The following ACTR1B variants were observed in gnomAD, a reference collection of about 807,000 sequenced individuals.
ACTR1B encodes the protein actin related protein 1B.
In ACTR1B, 34 loss-of-function variants were observed where a neutral mutation model predicts 49.4. The ratio of observed to expected loss-of-function variants is 0.69; its 90% CI spans 0.52 to 0.92. ACTR1B has a LOEUF of 0.92. Among genes scored for constraint, ACTR1B ranks in the 40% least tolerant of loss-of-function variants. The probability of loss-of-function intolerance (pLI) is 0.00; values close to 1 mark genes in which losing one functional copy is unlikely to be tolerated. For missense variants in ACTR1B, 471 were observed against 522.4 expected, an observed-to-expected ratio of 0.90 and a Z score of 0.96; for synonymous variants, 207 against 207.8, an observed-to-expected ratio of 1.00 and a Z score of 0.03.
chr2:97,658,330 G>A lies in ACTR1B; in HGVS notation c.658-14C>T. Reference sequence around the variant, plus strand: ...GTAGCACGCTCGCTGCGGGGACAGGGACACAGCCCTCAGAAGGCTGCACCT... The same window carrying A: ...GTAGCACGCTCGCTGCGGGGACAGGAACACAGCCCTCAGAAGGCTGCACCT... On this transcript the variant is annotated splice_polypyrimidine_tract_variant and intron_variant, in intron 6 of 10. Transcript: ENST00000289228. The surrounding 1 kb of genome is among the most constrained non-coding windows in gnomAD (Gnocchi z 5.9). The A allele has an allele frequency of 1.2e-6, 2 of 1,614,154 alleles. No individual in the cohort carries two copies. Among genetic ancestry groups the A allele is most frequent in the South Asian group, 1.1e-5 (1 of 91,082 alleles).
Position 97,658,074 on chromosome 2 carries a change from G to T in ACTR1B, c.794C>A (p.Pro265Gln). 6.2e-7 allele frequency: 1 copy of T among 1,614,108 alleles called. No homozygotes were observed. The highest frequency in any genetic ancestry group is 8.5e-7 in the Non-Finnish European group (1 of 1,180,012). The change falls in exon 8 of 11, where the codon CCG becomes CAG. Residue 265 changes from proline to glutamine, a missense_variant. By Grantham distance (76) the Pro-to-Gln change is moderately conservative (BLOSUM62 -1). Transcript: ENST00000289228. The surrounding 1 kb of genome is among the most constrained non-coding windows in gnomAD (Gnocchi z 5.9). ...RFRAPELLFQ[P>Q]DLVGDESEGL... ...CTCACTCTCATCCCCGACAAGGTCC[G>T]GCTGGAACAGCAGCTCGGGGGCCCG... is the stretch of plus-strand genomic sequence containing the variant.
intron 1 of ACTR1B, among the ~76,000 whole-genome samples, chr2:97,663,622 G>A (rs1439085856): frequency 6.6e-6 from 1 of 151,934 alleles, no homozygotes; most frequent in African/African-American, 2.4e-5. Context: ...GGGAGGGGTC[G>A]GGGAAGAGGC....
In ACTR1B at chr2:97,658,555, G is replaced by A. The variant is rs1475673745; in HGVS notation, c.529C>T (p.Pro177Ser). The change falls in exon 6 of 11, where the codon CCT becomes TCT. Residue 177 changes from proline to serine, a missense_variant. Transcript: ENST00000289228. The surrounding 1 kb of genome is among the most constrained non-coding windows in gnomAD (Gnocchi z 5.9). Reference sequence around the variant, plus strand: ...ATGTCCACCCGCATGATGGAGTGAGGCATGGCAAAGCCCTCATAGATGGGC... The same window carrying A: ...ATGTCCACCCGCATGATGGAGTGAGACATGGCAAAGCCCTCATAGATGGGC... Reference protein sequence around the residue: ...AVPIYEGFAMPHSIMRVDIAG... With the variant: ...AVPIYEGFAMSHSIMRVDIAG... 3 of 1,614,090 alleles carry A rather than the reference G, an allele frequency of 1.9e-6. No homozygotes were observed. The highest frequency in any genetic ancestry group is 2.5e-6 in the Non-Finnish European group (3 of 1,180,024).
Position 97,658,648 on chromosome 2 carries a change from C to CA in ACTR1B, c.441-6dup, listed in dbSNP as rs1249295833. On this transcript the variant is annotated splice_region_variant and splice_polypyrimidine_tract_variant and intron_variant, in intron 5 of 10. Transcript: ENST00000289228. The surrounding 1 kb of genome is among the most constrained non-coding windows in gnomAD (Gnocchi z 5.9). ...GTCGTGCGTCCTGTTGCGTACCTGTCACCAGGTCAGCATCCCCTCACCTCA... is the reference window on the plus strand; with the variant it reads ...GTCGTGCGTCCTGTTGCGTACCTGTCAACCAGGTCAGCATCCCCTCACCTCA... 8 of 1,613,402 alleles carry CA rather than the reference C, an allele frequency of 5.0e-6. No homozygotes were observed. The highest frequency in any genetic ancestry group is 6.8e-6 in the Non-Finnish European group (8 of 1,179,952).
Position 97,659,268 on chromosome 2 carries a change from T to TGTGGGAGCCCGGCGAGGAGGGGC in ACTR1B, c.315+83_315+84insGCCCCTCCTCGCCGGGCTCCCAC. On this transcript the variant is annotated intron_variant, in intron 4 of 10. Transcript: ENST00000289228. The surrounding 1 kb of genome is among the most constrained non-coding windows in gnomAD (Gnocchi z 4.0). ...GCCCTCTAGAAATGTAGAAGGGAAA[T>TGTGGGAGCCCGGCGAGGAGGGGC]GTGGGAGCCCGGCGAGGAGGGACGC... is the stretch of plus-strand genomic sequence containing the variant. 1.3e-6 allele frequency: 2 copies of TGTGGGAGCCCGGCGAGGAGGGGC among 1,588,304 alleles called. No individual in the cohort carries two copies. The highest frequency in any genetic ancestry group is 1.7e-6 in the Non-Finnish European group (2 of 1,166,300).
chr2:97,660,723 C>T, intron 2 of ACTR1B, 77 bp from the exon 3 acceptor site: 1 of 1,428,186 alleles, frequency 7.0e-7, no homozygotes, highest in Non-Finnish European at 9.9e-7. Flanking sequence ...GAAATCCAAC[C>T]ATAGTCGCCC....
rs1225480607 is a variant in ACTR1B at position 97,658,075 on chromosome 2, G to A, written c.793C>T (p.Pro265Ser). The change falls in exon 8 of 11, where the codon CCG (proline) becomes TCG (serine). Residue 265 changes from proline (P) to serine (S), a missense_variant. Transcript: ENST00000289228. This position sits in a 1 kb window ranked among gnomAD's most constrained non-coding sequence, Gnocchi z 5.9. ...RFRAPELLFQ[P>S]DLVGDESEGL... ...TCACTCTCATCCCCGACAAGGTCCG[G>A]CTGGAACAGCAGCTCGGGGGCCCGG... 6.2e-7 allele frequency: 1 copy of A among 1,614,016 alleles called. No individual in the cohort carries two copies. Among genetic ancestry groups the A allele is most frequent in the Non-Finnish European group, 8.5e-7 (1 of 1,180,036 alleles).
rs558211836 is a variant in ACTR1B, at chr2:97,656,660, A to G, written c.*198T>C. The G allele has an allele frequency of 6.9e-6, 4 of 581,420 alleles. No individual in the cohort carries two copies. Among genetic ancestry groups the G allele is most frequent in the Middle Eastern group, 9.2e-4 (2 of 2,182 alleles). 36.0% of individuals were successfully genotyped at this position (581,420 alleles called of 1,614,324 possible). A position where few individuals can be genotyped will look rare whatever the true frequency, so the allele number is the denominator to read the frequency against. Reference sequence around the variant, plus strand: ...ACACGCCAGCTCAAGGCTCCTGTCCATGCAGCTCAATGTTACTTGTGTGTG... The same window carrying G: ...ACACGCCAGCTCAAGGCTCCTGTCCGTGCAGCTCAATGTTACTTGTGTGTG... On this transcript the variant is annotated 3_prime_UTR_variant, in exon 11 of 11. Transcript: ENST00000289228.
Position 97,659,435 on chromosome 2 carries a change from C to A in ACTR1B, c.232G>T (p.Gly78Cys). 1 of 1,614,026 alleles carries A rather than the reference C, an allele frequency of 6.2e-7. No individual in the cohort carries two copies. The highest frequency in any genetic ancestry group is 8.5e-7 in the Non-Finnish European group (1 of 1,179,994). Residue 78 changes from glycine to cysteine, a missense_variant, in exon 4 of 11, where the codon GGC (glycine) becomes TGC (cysteine). Physicochemically the swap from Gly to Cys is radical, Grantham distance 159. Transcript: ENST00000289228. This position sits in a 1 kb window ranked among gnomAD's most constrained non-coding sequence, Gnocchi z 4.0. ...LLTIRYPMEH[G>C]VVRDWNDMER... ...ATGTCGTTCCAGTCTCGCACCACGC[C>A]GTGCTCCATGGGGTAGCGGATGGTC...
chr2:97,663,204 G>A (rs1675071736), intron 1 of ACTR1B, among the ~76,000 whole-genome samples: 1 of 152,220 alleles, frequency 6.6e-6, no homozygotes, highest in African/African-American at 2.4e-5. Flanking sequence ...TCTTTCCTCT[G>A]AGGCTTCCAA....
Position 97,657,528 on chromosome 2 carries a change from C to A in ACTR1B, c.926-19G>T. 6.2e-7 allele frequency: 1 copy of A among 1,614,126 alleles called. No homozygotes were observed. The highest frequency in any genetic ancestry group is 8.5e-7 in the Non-Finnish European group (1 of 1,179,982). On this transcript the variant is annotated intron_variant, in intron 8 of 10. Coordinates refer to ENST00000289228, the MANE Select transcript of ACTR1B (RefSeq NM_005735.4). ...CCGAAGCCTGTGAACACAAAGCTGG[C>A]TGAGCCTGGGGTCTGCACCCGGCCT...
intron 8 of ACTR1B, 112 bp downstream of exon 8, chr2:97,657,831 T>G (rs900481511): frequency 7.5e-7 from 1 of 1,332,758 alleles, no homozygotes; most frequent in Non-Finnish European, 1.0e-6. Context: ...AAAATGTTCA[T>G]TGAGCACCAC....
At position 97,659,466 on chromosome 2, in the gene ACTR1B, C is replaced by T. The variant is rs1457092897; in HGVS notation, c.201G>A (p.Gly67=). The T allele has an allele frequency of 3.1e-6, 5 of 1,613,336 alleles. No individual in the cohort carries two copies. Among genetic ancestry groups the T allele is most frequent in the South Asian group, 1.1e-5 (1 of 91,086 alleles). The change falls in exon 4 of 11, where the codon GGG becomes GGA. Residue 67 remains glycine (G), a synonymous_variant. Coordinates refer to ENST00000289228, the MANE Select transcript of ACTR1B (RefSeq NM_005735.4). The surrounding 1 kb of genome is among the most constrained non-coding windows in gnomAD (Gnocchi z 4.0). ...CCATGGGGTAGCGGATGGTCAGCAGCCCCCGGTGCTCCTGGTGGGGTGGGA... is the reference window on the plus strand; with the variant it reads ...CCATGGGGTAGCGGATGGTCAGCAGTCCCCGGTGCTCCTGGTGGGGTGGGA... ...FIGPKAEEHR[G]LLTIRYPMEH... is the part of the protein sequence containing the mutation.
In ACTR1B at chr2:97,659,048, C is replaced by A; in HGVS notation, c.316-45G>T. On this transcript the variant is annotated intron_variant, in intron 4 of 10. Transcript: ENST00000289228. The surrounding 1 kb of genome is among the most constrained non-coding windows in gnomAD (Gnocchi z 4.0). ...TGTAGGCATCAGAGGAGGCAACTTG[C>A]AAGGCCCTAAAAGGCTCTTTCCAGA... The A allele has an allele frequency of 6.2e-7, 1 of 1,612,768 alleles. No homozygotes were observed. The highest frequency in any genetic ancestry group is 8.5e-7 in the Non-Finnish European group (1 of 1,179,502).
intron 10 of ACTR1B, 43 bp downstream of exon 10, chr2:97,657,109 A>G (rs1257813312): frequency 1.2e-6 from 2 of 1,604,590 alleles, no homozygotes; most frequent in Non-Finnish European, 8.5e-7. Context: ...CATCCAGGGT[A>G]AAGTGGTCTC....
In ACTR1B at chr2:97,659,114, C is replaced by T. The variant is rs1201870484; in HGVS notation, c.316-111G>A. On this transcript the variant is annotated intron_variant, in intron 4 of 10. Transcript: ENST00000289228. This position sits in a 1 kb window ranked among gnomAD's most constrained non-coding sequence, Gnocchi z 4.0. ...GCGCACAGGCAGCTCAGCCTCCTAC[C>T]CCTCCTGAGGGCCCCATCCCTTTAT... The T allele has an allele frequency of 6.5e-7, 1 of 1,541,448 alleles. No homozygotes were observed. The highest frequency in any genetic ancestry group is 1.4e-5 in the African/African-American group (1 of 73,708).
intron 10 of ACTR1B, 64 bp downstream of exon 10, chr2:97,657,088 A>T (rs1674861935): frequency 6.3e-7 from 1 of 1,596,710 alleles, no homozygotes. Flanking sequence ...CTAGGCCAAC[A>T]ATGGGAGGAG....
rs770749832 is a variant in ACTR1B, at chr2:97,657,956, T to C, written c.912A>G (p.Ser304=). ...LFANIVLSGG[S]TLFKGFGDRL... is the part of the protein sequence containing the mutation. ...AAGCCACAGTACCTTTGAAAAGCGT[T>C]GAGCCACCTGAGAGCACGATGTTGG... Residue 304 remains serine, a synonymous_variant, in exon 8 of 11, where the codon TCA becomes TCG. Transcript: ENST00000289228. 5.6e-6 allele frequency: 9 copies of C among 1,614,140 alleles called. No homozygotes were observed. Among genetic ancestry groups the C allele is most frequent in the Non-Finnish European group, 7.6e-6 (9 of 1,180,002 alleles).
rs554129227 is a variant in ACTR1B at position 97,660,705 on chromosome 2, G to T, written c.114-59C>A. 4.5e-6 allele frequency: 7 copies of T among 1,539,568 alleles called. No homozygotes were observed. The East Asian group carries it at 1.6e-4, about 35-fold the overall frequency. On this transcript the variant is annotated intron_variant, in intron 2 of 10. Transcript: ENST00000289228. ...GGGAGCATGGCAGAGCTTGTGTCCA[G>T]AAAAACCGAAATCCAACCATAGTCG...
Sources: allele counts gnomAD v4.1 joint callset (sites outside exome capture counted in the v4.1 genomes callset), GRCh38; gene constraint gnomAD v4.1.1; non-coding constraint Gnocchi (gnomAD v3.1); transcripts MANE v1.5; gene names NCBI Gene and HGNC (gene_info 2026-07-23, HGNC 2026-07-21).